RNPEP: variants seen among roughly 807,000 people sequenced by gnomAD.
The protein encoded by RNPEP is aminopeptidase B.
A neutral mutation model predicts 70.1 loss-of-function variants in RNPEP; 57 were observed. That is an observed-to-expected ratio of 0.81 (90% CI 0.66 to 1.01). RNPEP has a LOEUF of 1.01. Among genes scored for constraint, RNPEP ranks in the 50% least tolerant of loss-of-function variants. RNPEP has a pLI of 0.00. For missense variants in RNPEP, 787 were observed against 852.4 expected (o/e 0.92, Z 0.96); for synonymous variants, 335 against 357.4 (o/e 0.94, Z 0.71).
intron 3 of RNPEP, among the ~76,000 whole-genome samples, chr1:201,989,980 G>A (rs944946546): frequency 6.6e-6 from 1 of 152,074 alleles, no homozygotes; most frequent in African/African-American, 2.4e-5. Flanking sequence ...AAGTAACTGG[G>A]ACTGCAGGCA....
chr1:201,983,076 A>G lies in RNPEP; in HGVS notation c.410A>G (p.Gln137Arg). The change falls in exon 1 of 11, where the codon CAG (glutamine) becomes CGG (arginine). Residue 137 changes from glutamine to arginine, a missense_variant. Gln to Arg is a conservative substitution (Grantham distance 43). Transcript: ENST00000295640. ...PQPCRAAERL[Q>R]VLLTYRVGEG... ...CCCTGCCGCGCCGCCGAGCGCCTCC[A>G]GGTGCTGCTCACCTACCGCGTCGGG... The G allele has an allele frequency of 6.6e-7, 1 of 1,523,524 alleles. No individual in the cohort carries two copies. Among genetic ancestry groups the G allele is most frequent in the South Asian group, 1.2e-5 (1 of 81,044 alleles). The allele number at this position is 1,523,524 out of a possible 1,614,324, so 94.4% of individuals were successfully genotyped here. A position where few individuals can be genotyped will look rare whatever the true frequency, so the allele number is the denominator to read the frequency against.
chr1:201,993,890 C>A (rs190857914), intron 3 of RNPEP, among the ~76,000 whole-genome samples: 64 of 152,222 alleles, frequency 4.2e-4, no homozygotes, highest in African/African-American at 1.4e-3. Context: ...TACGCACTGG[C>A]TGCACTTCTT....
chr1:201,986,415 G>T (rs1313411083), intron 1 of RNPEP, among the ~76,000 whole-genome samples: 1 of 151,670 alleles, frequency 6.6e-6, no homozygotes, highest in Non-Finnish European at 1.5e-5. Context: ...GTTTTGAGGA[G>T]TGTTGGCCAG....
intron 5 of RNPEP, among the ~76,000 whole-genome samples, chr1:201,998,324 C>T (rs1014965960): frequency 6.6e-6 from 1 of 150,758 alleles, no homozygotes; most frequent in Admixed American, 6.6e-5. Flanking sequence ...CCTCCACCTC[C>T]GTAGTTCAAG....
At chr1:201,983,423 T>TAG in intron 1 of RNPEP, 1 of 1,470,156 alleles carries the variant, frequency 6.8e-7, no homozygotes, top group Non-Finnish European at 9.1e-7. Context: ...TTCCCGCTCA[T>TAG]CGCACACTGC....
At position 202,006,121 on chromosome 1, in the gene RNPEP, TAA is replaced by T. The variant is rs1156965212; in HGVS notation, c.*407_*408del. The T allele has an allele frequency of 5.9e-6, 1 of 169,754 alleles. No homozygotes were observed. Among genetic ancestry groups the T allele is most frequent in the Non-Finnish European group, 1.3e-5 (1 of 77,314 alleles). The allele number at this position is 169,754 out of a possible 1,614,324, so 10.5% of individuals were successfully genotyped here. On this transcript the variant is annotated 3_prime_UTR_variant, in exon 11 of 11. Transcript: ENST00000295640. ...TTTTCAGGTTTAATCCTTATTTTAATAAAGTTTTCAAGCAAAAATTAAGTTAC... is the reference window on the plus strand; with the variant it reads ...TTTTCAGGTTTAATCCTTATTTTAATAGTTTTCAAGCAAAAATTAAGTTAC...
intron 3 of RNPEP, among the ~76,000 whole-genome samples, chr1:201,992,521 C>T (rs1172531029): frequency 2.6e-5 from 4 of 152,080 alleles, no homozygotes; most frequent in South Asian, 4.1e-4. Flanking sequence ...AGCTCTCTGA[C>T]GGCCTCTCTC....
chr1:202,001,561 G>A lies in RNPEP; in HGVS notation c.1317+73G>A, dbSNP rs1277870048. The A allele has an allele frequency of 5.0e-5, 72 of 1,435,440 alleles. No homozygotes were observed. In the South Asian group the frequency reaches 5.1e-4, roughly 10 times the overall value. 88.9% of individuals were successfully genotyped at this position (1,435,440 alleles called of 1,614,324 possible). On this transcript the variant is annotated intron_variant, in intron 7 of 10. Transcript: ENST00000295640. ...GGCCTGATCAAGGGTAGAGGCAGGG[G>A]GCGAAAGATGTAAGGGGTTGGAGGA...
chr1:202,001,773 C>A lies in RNPEP; in HGVS notation c.1426+6C>A. The A allele has an allele frequency of 6.7e-7, 1 of 1,499,584 alleles. No homozygotes were observed. Among genetic ancestry groups the A allele is most frequent in the Non-Finnish European group, 9.3e-7 (1 of 1,075,764 alleles). The allele number at this position is 1,499,584 out of a possible 1,614,324, so 92.9% of individuals were successfully genotyped here. On this transcript the variant is annotated splice_donor_region_variant and intron_variant, in intron 8 of 10. Coordinates refer to ENST00000295640, the MANE Select transcript of RNPEP (RefSeq NM_020216.4). ...GAGAGTGGATATCATTCCAGGTAAG[C>A]AGAGGAACTGGCCCACAGGCTTCTA...
intron 5 of RNPEP, among the ~76,000 whole-genome samples, chr1:201,999,324 AC>A (rs1683695194): frequency 6.6e-6 from 1 of 151,994 alleles, no homozygotes; most frequent in African/African-American, 2.4e-5. Context: ...CGGGCATATC[AC>A]CTGAGATCAG....
At chr1:202,004,690 G>A (rs2102986136) in intron 10 of RNPEP, among the ~76,000 whole-genome samples, 194 bp downstream of exon 10, 1 of 152,352 alleles carries the variant, frequency 6.6e-6, no homozygotes, top group African/African-American at 2.4e-5. Context: ...ACAAGAGGAG[G>A]CCTGCAGGCT....
chr1:201,990,134 C>T (rs1309662777), intron 3 of RNPEP, among the ~76,000 whole-genome samples: 1 of 152,216 alleles, frequency 6.6e-6, no homozygotes, highest in East Asian at 1.9e-4. Flanking sequence ...CATGAGCCAT[C>T]ATGCCCGGCC....
intron 3 of RNPEP, among the ~76,000 whole-genome samples, chr1:201,992,990 T>C (rs1683395792): frequency 6.6e-6 from 1 of 152,074 alleles, no homozygotes; most frequent in African/African-American, 2.4e-5. Flanking sequence ...TCTAAGACTT[T>C]ACTCTTCTCT....
rs1272740896 is a variant in RNPEP, at chr1:202,001,758, A to C, written c.1417A>C (p.Ile473Leu). 1 of 1,587,084 alleles carries C rather than the reference A, an allele frequency of 6.3e-7. No homozygotes were observed. Among genetic ancestry groups the C allele is most frequent in the Admixed American group, 1.7e-5 (1 of 59,982 alleles). Reference sequence around the variant, plus strand: ...TGAGCTTAAGAAAAAGAGAGTGGATATCATTCCAGGTAAGCAGAGGAACTG... The same window carrying C: ...TGAGCTTAAGAAAAAGAGAGTGGATCTCATTCCAGGTAAGCAGAGGAACTG... ...FPELKKKRVD[I>L]IPGFEFDRWL... Residue 473 changes from isoleucine (I) to leucine (L), a missense_variant, in exon 8 of 11, where the codon ATC becomes CTC. By Grantham distance (5) the Ile-to-Leu change is conservative. Coordinates refer to ENST00000295640, the MANE Select transcript of RNPEP (RefSeq NM_020216.4).
intron 1 of RNPEP, among the ~76,000 whole-genome samples, chr1:201,985,022 A>G (rs1194273640): frequency 5.3e-5 from 8 of 150,428 alleles, no homozygotes. Flanking sequence ...GTGAAACCCT[A>G]CCTCCACTAA....
chr1:201,983,351 C>T lies in RNPEP; in HGVS notation c.447+238C>T, dbSNP rs1486843400. On this transcript the variant is annotated intron_variant, in intron 1 of 10. Coordinates refer to ENST00000295640, the MANE Select transcript of RNPEP (RefSeq NM_020216.4). ...TCCAGCCACTGGGCGGTGCATCCTTCACCCTTTCCGTCCTTCCGCGTCTCC... is the reference window on the plus strand; with the variant it reads ...TCCAGCCACTGGGCGGTGCATCCTTTACCCTTTCCGTCCTTCCGCGTCTCC... 5 of 1,495,990 alleles carry T rather than the reference C, an allele frequency of 3.3e-6. No homozygotes were observed. In the African/African-American group the frequency reaches 7.0e-5, roughly 21 times the overall value. The allele number at this position is 1,495,990 out of a possible 1,614,324, so 92.7% of individuals were successfully genotyped here.
chr1:202,003,172 G>T (rs1274472124), intron 8 of RNPEP, 65 bp from the exon 9 acceptor site: 1 of 1,230,640 alleles, frequency 8.1e-7, no homozygotes, highest in Middle Eastern at 2.8e-4. Context: ...TCTGGGAGTT[G>T]CTTAAACCAG....
At chr1:201,986,571 A>G (rs1391053488) in intron 1 of RNPEP, among the ~76,000 whole-genome samples, 1 of 123,738 alleles carries the variant, frequency 8.1e-6, no homozygotes, top group African/African-American at 3.1e-5. Flanking sequence ...ATGGAGTTTC[A>G]CTCTTGTTAC....
At chr1:201,985,686 T>C (rs936716183) in intron 1 of RNPEP, among the ~76,000 whole-genome samples, 10 of 152,218 alleles carry the variant, frequency 6.6e-5, no homozygotes, top group Non-Finnish European at 1.3e-4. Flanking sequence ...TAAACAATGC[T>C]GATATATTAT....
Sources: allele counts gnomAD v4.1 joint callset (sites outside exome capture counted in the v4.1 genomes callset), GRCh38; gene constraint gnomAD v4.1.1; transcripts MANE v1.5; gene names NCBI Gene and HGNC (gene_info 2026-07-23, HGNC 2026-07-21).